SEC61A2: variants seen among roughly 807,000 people sequenced by gnomAD.
SEC61A2 encodes the protein protein transport protein Sec61 subunit alpha isoform 2.
SEC61A2 carries 28 observed loss-of-function variants against 59.9 expected under a neutral mutation model. That is an observed-to-expected ratio of 0.47 (90% confidence interval 0.35 to 0.64). The LOEUF (loss-of-function observed/expected upper bound fraction) is 0.64. Ranked by LOEUF, SEC61A2 falls within the 30% of genes least tolerant of loss-of-function variation. The probability of loss-of-function intolerance (pLI) is 0.01; values close to 1 mark genes in which losing one functional copy is unlikely to be tolerated. For missense variants in SEC61A2, 340 were observed against 585.9 expected (o/e 0.58, Z 4.33); for synonymous variants, 202 against 214.4 (o/e 0.94, Z 0.50).
At position 12,161,657 on chromosome 10, in the gene SEC61A2, C is replaced by T. The variant is rs1285670531; in HGVS notation, c.1167+536C>T. Among the ~76,000 whole-genome samples the T allele has an allele frequency of 6.6e-6, 1 of 152,144 alleles. No homozygotes were observed. Among genetic ancestry groups the T allele is most frequent in the Non-Finnish European group, 1.5e-5 (1 of 68,032 alleles). On this transcript the variant is annotated intron_variant, in intron 10 of 11. Transcript: ENST00000298428. The surrounding 1 kb of genome is among the most constrained non-coding windows in gnomAD (Gnocchi z 5.4). Reference sequence around the variant, plus strand: ...TCAGGAGGCTGAGGCAGGAGAATCGCTTGAACCTGGGAGTCGGAGGTTGCA... The same window carrying T: ...TCAGGAGGCTGAGGCAGGAGAATCGTTTGAACCTGGGAGTCGGAGGTTGCA...
chr10:12,160,079 T>G lies in SEC61A2; in HGVS notation c.976-851T>G, dbSNP rs886752510. On this transcript the variant is annotated intron_variant, in intron 9 of 11. Transcript: ENST00000298428. The surrounding 1 kb of genome is among the most constrained non-coding windows in gnomAD (Gnocchi z 4.1). ...AGTCAAGAGACAGGAATAAGAAGAA[T>G]GCTGTTTCTGCCCTCCTTAGAATAG... Among the ~76,000 whole-genome samples, 13 of 151,572 alleles carry G rather than the reference T, an allele frequency of 8.6e-5. No homozygotes were observed. Among genetic ancestry groups the G allele is most frequent in the African/African-American group, 3.2e-4 (13 of 40,866 alleles).
intron 2 of SEC61A2, 64 bp downstream of exon 2, chr10:12,133,372 A>G: frequency 2.4e-6 from 2 of 816,604 alleles, no homozygotes; most frequent in South Asian, 3.3e-5. Flanking sequence ...AACCAGCAAA[A>G]TTCATTTCCT....
At position 12,155,996 on chromosome 10, in the gene SEC61A2, G is replaced by A. The variant is rs755308909; in HGVS notation, c.616+65G>A. 185 of 1,562,236 alleles carry A rather than the reference G, an allele frequency of 1.2e-4. No individual in the cohort carries two copies. The highest frequency in any genetic ancestry group is 1.5e-4 in the Non-Finnish European group (169 of 1,134,882). ...GATGTGTGCTGGGAACAAACCCATC[G>A]TGTCGCAGTACATGCCTAGAGCCGT... On this transcript the variant is annotated intron_variant, in intron 7 of 11. Coordinates refer to ENST00000298428, the MANE Select transcript of SEC61A2 (RefSeq NM_018144.4). This position sits in a 1 kb window ranked among gnomAD's most constrained non-coding sequence, Gnocchi z 4.3.
In SEC61A2 at chr10:12,156,814, C is replaced by A; in HGVS notation, c.617-93C>A. ...GGCGAATTCTTTTGACCCATATTTT[C>A]TGCTGTATACTGGACTTTCACGGTT... is the stretch of plus-strand genomic sequence containing the variant. On this transcript the variant is annotated intron_variant, in intron 7 of 11. Coordinates refer to ENST00000298428, the MANE Select transcript of SEC61A2 (RefSeq NM_018144.4). This position sits in a 1 kb window ranked among gnomAD's most constrained non-coding sequence, Gnocchi z 5.2. The A allele has an allele frequency of 8.0e-7, 1 of 1,252,662 alleles. No individual in the cohort carries two copies. The highest frequency in any genetic ancestry group is 1.1e-6 in the Non-Finnish European group (1 of 886,570). 77.6% of individuals were successfully genotyped at this position (1,252,662 alleles called of 1,614,324 possible).
chr10:12,148,239 A>AT lies in SEC61A2; in HGVS notation c.221-1333dup, dbSNP rs66965878. On this transcript the variant is annotated intron_variant, in intron 4 of 11. Coordinates refer to ENST00000298428, the MANE Select transcript of SEC61A2 (RefSeq NM_018144.4). ...CAGGCGTGAGCCACCATGCCCGGCC[A>AT]TTTTTTTTTTTTTTTTTTTTTTTAA... Among the ~76,000 whole-genome samples the AT allele has an allele frequency of 1.5e-3, 145 of 97,374 alleles. 1 individual carries two copies. Among genetic ancestry groups the AT allele is most frequent in the African/African-American group, 5.6e-3 (138 of 24,746 alleles). The allele number at this position is 97,374 out of a possible 152,430, so 63.9% of individuals were successfully genotyped here.
chr10:12,143,326 A>G lies in SEC61A2; in HGVS notation c.220+131A>G, dbSNP rs1480320434. ...TTGCCTAGAAAAGCCTAGTATGTAG[A>G]TAATGACAACACCGTGTGATTAATG... is the stretch of plus-strand genomic sequence containing the variant. On this transcript the variant is annotated intron_variant, in intron 4 of 11. Coordinates refer to ENST00000298428, the MANE Select transcript of SEC61A2 (RefSeq NM_018144.4). The surrounding 1 kb of genome is among the most constrained non-coding windows in gnomAD (Gnocchi z 4.8). 1.4e-6 allele frequency: 1 copy of G among 725,100 alleles called. No homozygotes were observed. Among genetic ancestry groups the G allele is most frequent in the Non-Finnish European group, 2.5e-6 (1 of 401,318 alleles). 44.9% of individuals were successfully genotyped at this position (725,100 alleles called of 1,614,324 possible).
intron 4 of SEC61A2, among the ~76,000 whole-genome samples, chr10:12,146,750 C>T (rs905848398): frequency 4.0e-5 from 6 of 151,552 alleles, no homozygotes; most frequent in Non-Finnish European, 7.4e-5. Context: ...GATCTCCTGA[C>T]CTTGTGATCC....
At chr10:12,169,808 G>A, downstream of SEC61A2, 1 of 297,702 alleles carries the variant, frequency 3.4e-6, no homozygotes. The surrounding 1 kb of genome is among the most constrained non-coding windows in gnomAD (Gnocchi z 4.8). Flanking sequence ...GTAAGCTGCT[G>A]AAACTCAGGG....
Position 12,153,881 on chromosome 10 carries a change from C to A in SEC61A2, c.463-1897C>A. 7.1e-7 allele frequency: 1 copy of A among 1,410,948 alleles called. No homozygotes were observed. The allele number at this position is 1,410,948 out of a possible 1,614,324, so 87.4% of individuals were successfully genotyped here. On this transcript the variant is annotated intron_variant, in intron 6 of 11. Transcript: ENST00000298428. This position sits in a 1 kb window ranked among gnomAD's most constrained non-coding sequence, Gnocchi z 5.2. ...ACCTTATTTGTTTATGTTTCATTCA[C>A]GTGGTTAGTGTTTTTCAGCTAGTGA... is the stretch of plus-strand genomic sequence containing the variant.
Position 12,129,982 on chromosome 10 carries a change from G to A in SEC61A2, c.7+188G>A, listed in dbSNP as rs964103692. Among the ~76,000 whole-genome samples the A allele has an allele frequency of 6.6e-6, 1 of 152,150 alleles. No individual in the cohort carries two copies. The highest frequency in any genetic ancestry group is 1.5e-5 in the Non-Finnish European group (1 of 68,016). On this transcript the variant is annotated intron_variant, in intron 1 of 11. Coordinates refer to ENST00000298428, the MANE Select transcript of SEC61A2 (RefSeq NM_018144.4). The surrounding 1 kb of genome is among the most constrained non-coding windows in gnomAD (Gnocchi z 5.6). ...CCCCTAGCCGTGCGAGGCCTTGCCC[G>A]GCGGGTACCGGGACCCGGAGGCCCG...
At chr10:12,139,527 A>G (rs1833962603) in intron 3 of SEC61A2, among the ~76,000 whole-genome samples, 1 of 151,748 alleles carries the variant, frequency 6.6e-6, no homozygotes, top group East Asian at 2.0e-4. Context: ...GCTCACACCT[A>G]TAATCCCAGC....
intron 4 of SEC61A2, among the ~76,000 whole-genome samples, chr10:12,144,305 C>T (rs961876896): frequency 2.0e-5 from 3 of 152,100 alleles, no homozygotes; most frequent in African/African-American, 7.2e-5. Context: ...TCAATTGAGG[C>T]CTTTTCTTTG....
At chr10:12,136,439 C>T (rs114797981) in intron 3 of SEC61A2, among the ~76,000 whole-genome samples, 24,867 of 150,704 alleles carry the variant, frequency 0.17, 2,086 homozygotes, top group Non-Finnish European at 0.2. Flanking sequence ...TCCCAAGTAG[C>T]TGGGACTACA....
In SEC61A2 at chr10:12,152,280, G is replaced by T. The variant is rs7914422; in HGVS notation, c.462+2319G>T. On this transcript the variant is annotated intron_variant, in intron 6 of 11. Coordinates refer to ENST00000298428, the MANE Select transcript of SEC61A2 (RefSeq NM_018144.4). This position sits in a 1 kb window ranked among gnomAD's most constrained non-coding sequence, Gnocchi z 5.5. ...TTTTTAGTAGAGATGGGATTTTGCC[G>T]TGTTGGCCAGGCTGGTCTTGAACTT... 6.6e-6 allele frequency among the ~76,000 whole-genome samples: 1 copy of T among 151,692 alleles called. No individual in the cohort carries two copies. The highest frequency in any genetic ancestry group is 1.5e-5 in the Non-Finnish European group (1 of 67,940).
chr10:12,159,616 G>C (rs1453594738), intron 9 of SEC61A2, among the ~76,000 whole-genome samples: 5 of 152,140 alleles, frequency 3.3e-5, no homozygotes, highest in Non-Finnish European at 7.4e-5. Context: ...CTTGAGCCCA[G>C]GAGTTTGAAG....
chr10:12,169,343 G>C (rs376483075), downstream of SEC61A2: 1 of 1,528,340 alleles, frequency 6.5e-7, no homozygotes, highest in Non-Finnish European at 8.9e-7. The surrounding 1 kb of genome is among the most constrained non-coding windows in gnomAD (Gnocchi z 4.8). Flanking sequence ...AACCCCGCAC[G>C]GCATTTCACA....
Position 12,155,762 on chromosome 10 carries a change from A to G in SEC61A2, c.463-16A>G, listed in dbSNP as rs1212675146. 6.2e-7 allele frequency: 1 copy of G among 1,613,832 alleles called. No individual in the cohort carries two copies. Among genetic ancestry groups the G allele is most frequent in the South Asian group, 1.1e-5 (1 of 91,060 alleles). Reference sequence around the variant, plus strand: ...TTTGTTCTTGCTTCCGCTTACTTGCATTTCTTTCCCCACAGTTGTTTGTTG... The same window carrying G: ...TTTGTTCTTGCTTCCGCTTACTTGCGTTTCTTTCCCCACAGTTGTTTGTTG... On this transcript the variant is annotated splice_polypyrimidine_tract_variant and intron_variant, in intron 6 of 11. Coordinates refer to ENST00000298428, the MANE Select transcript of SEC61A2 (RefSeq NM_018144.4). This position sits in a 1 kb window ranked among gnomAD's most constrained non-coding sequence, Gnocchi z 4.3.
intron 4 of SEC61A2, among the ~76,000 whole-genome samples, chr10:12,147,409 G>T (rs1211527163): frequency 6.6e-6 from 1 of 152,158 alleles, no homozygotes; most frequent in Non-Finnish European, 1.5e-5. Context: ...TGGAGGCTGG[G>T]CACAGTGGCT....
Position 12,157,087 on chromosome 10 carries a change from C to A in SEC61A2, c.777+20C>A. Reference sequence around the variant, plus strand: ...TTCCAAGTAAGTATAACCTTTTCACCAAAGTAAGTGGGATGTAGATTTTTA... The same window carrying A: ...TTCCAAGTAAGTATAACCTTTTCACAAAAGTAAGTGGGATGTAGATTTTTA... On this transcript the variant is annotated intron_variant, in intron 8 of 11. Transcript: ENST00000298428. 6.2e-7 allele frequency: 1 copy of A among 1,604,508 alleles called. No homozygotes were observed. The highest frequency in any genetic ancestry group is 8.5e-7 in the Non-Finnish European group (1 of 1,174,278).
Sources: gnomAD v4.1 joint callset for allele counts (sites outside exome capture counted in the v4.1 genomes callset) on GRCh38, gnomAD v4.1.1 for gene constraint, Gnocchi (gnomAD v3.1) non-coding constraint, MANE v1.5 for transcripts, NCBI Gene and HGNC (gene_info 2026-07-23, HGNC 2026-07-21) for gene names.